Variants in C18orf54 observed in about 807,000 individuals in gnomAD.
The protein encoded by C18orf54 is chromosome 18 open reading frame 54, also known as lung adenoma susceptibility protein 2.
Under a neutral mutation model 49.3 loss-of-function variants are expected in C18orf54, and 49 were observed. The observed-to-expected ratio is 0.99, with a 90% CI of 0.79 to 1.26. The LOEUF is 1.26. C18orf54 is among the 50% of genes most tolerant of loss of function. C18orf54 has a pLI of 0.00. For synonymous variants in C18orf54, 211 were observed against 216.6 expected (o/e 0.97, Z 0.23); for missense variants, 687 against 620.6 (o/e 1.11, Z -1.14).
At chr18:54,376,713 G>A (rs2089577817) in intron 8 of C18orf54, among the ~76,000 whole-genome samples, 1 of 152,188 alleles carries the variant, frequency 6.6e-6, no homozygotes, top group South Asian at 2.1e-4. Context: ...CAATGAAGGT[G>A]GGAATCTCAG....
At chr18:54,364,787 G>T (rs1012772601) in intron 5 of C18orf54, among the ~76,000 whole-genome samples, 5 of 152,004 alleles carry the variant, frequency 3.3e-5, no homozygotes, top group Admixed American at 6.6e-5. Flanking sequence ...AGGACTACCT[G>T]ATAGTATGAA....
intron 6 of C18orf54, among the ~76,000 whole-genome samples, chr18:54,371,454 G>A (rs2089485363): frequency 6.6e-6 from 1 of 152,086 alleles, no homozygotes; most frequent in African/African-American, 2.4e-5. Flanking sequence ...GTGAACATGG[G>A]TATACAAATA....
chr18:54,361,470 GA>G (rs1204583058), intron 3 of C18orf54, among the ~76,000 whole-genome samples, 172 bp from the exon 4 acceptor site: 3 of 152,020 alleles, frequency 2.0e-5, no homozygotes, highest in Admixed American at 2.0e-4. Flanking sequence ...AGAATCGTGA[GA>G]AAAAAAGCAC....
At chr18:54,366,122 T>C (rs2089378686) in intron 6 of C18orf54, among the ~76,000 whole-genome samples, 1 of 151,904 alleles carries the variant, frequency 6.6e-6, no homozygotes, top group Admixed American at 6.6e-5. Context: ...ATCATTTCTT[T>C]GTGTTGGGAA....
At chr18:54,371,201 G>A (rs902499033) in intron 6 of C18orf54, among the ~76,000 whole-genome samples, 4 of 83,792 alleles carry the variant, frequency 4.8e-5, no homozygotes, top group African/African-American at 2.6e-4. Context: ...TGTCCCTATG[G>A]ACTTGTTACT....
Position 54,362,079 on chromosome 18 carries a change from G to C in C18orf54, c.720G>C (p.Trp240Cys). ...GTCTTGAAAAGAATTACCCAAGATG[G>C]CTCACTAGCCAGAAATCTGACCTTA... ...EHSLEKNYPR[W>C]LTSQKSDLNV... The change falls in exon 4 of 9, where the codon TGG becomes TGC. Residue 240 changes from tryptophan (W) to cysteine (C), a missense_variant. By Grantham distance (215) the Trp-to-Cys change is radical. Coordinates refer to ENST00000620105, the MANE Select transcript of C18orf54 (RefSeq NM_001288980.2). 3 of 1,544,184 alleles carry C rather than the reference G, an allele frequency of 1.9e-6. No homozygotes were observed. The highest frequency in any genetic ancestry group is 2.6e-6 in the Non-Finnish European group (3 of 1,148,334).
Position 54,378,417 on chromosome 18 carries a change from C to T in C18orf54, c.*171C>T. 1.9e-6 allele frequency: 1 copy of T among 516,376 alleles called. No homozygotes were observed. Among genetic ancestry groups the T allele is most frequent in the South Asian group, 3.3e-5 (1 of 30,332 alleles). 32.0% of individuals were successfully genotyped at this position (516,376 alleles called of 1,614,324 possible). A position where few individuals can be genotyped will look rare whatever the true frequency, so the allele number is the denominator to read the frequency against. The stretch of plus-strand genomic sequence containing the variant: ...TTGAAAATACCCATAGGTTTTGGGA[C>T]CTATCTTTATTTTGTGCCAACATAC... On this transcript the variant is annotated 3_prime_UTR_variant, in exon 9 of 9. Transcript: ENST00000620105.
intron 8 of C18orf54, among the ~76,000 whole-genome samples, chr18:54,375,341 G>A (rs111918276): frequency 1.3e-3 from 193 of 151,566 alleles, no homozygotes; most frequent in African/African-American, 4.5e-3. Flanking sequence ...GCCATAGCTA[G>A]TAAAAGAAGC....
At position 54,365,781 on chromosome 18, in the gene C18orf54, C is replaced by A; in HGVS notation, c.1286C>A (p.Ala429Asp). Residue 429 changes from alanine to aspartate, a missense_variant, in exon 6 of 9, where the codon GCT becomes GAT. Physicochemically the swap from Ala to Asp is moderately radical, Grantham distance 126. Coordinates refer to ENST00000620105, the MANE Select transcript of C18orf54 (RefSeq NM_001288980.2). ...CAACAAACTTCAAGGGCAAAGAGTGCTAAAGGGGTTCTTGAAGACTTTCTA... is the reference window on the plus strand; with the variant it reads ...CAACAAACTTCAAGGGCAAAGAGTGATAAAGGGGTTCTTGAAGACTTTCTA... Reference protein sequence around the residue: ...SPQQTSRAKSAKGVLEDFLNN... With the variant: ...SPQQTSRAKSDKGVLEDFLNN... 2 of 1,593,146 alleles carry A rather than the reference C, an allele frequency of 1.3e-6. No homozygotes were observed. The highest frequency in any genetic ancestry group is 1.3e-5 in the African/African-American group (1 of 74,698).
chr18:54,360,780 A>G lies in C18orf54; in HGVS notation c.208A>G (p.Thr70Ala), dbSNP rs1403749039. The G allele has an allele frequency of 1.2e-6, 2 of 1,613,646 alleles. No individual in the cohort carries two copies. The highest frequency in any genetic ancestry group is 2.2e-5 in the East Asian group (1 of 44,872). ...AGGCCAAATATATCCTGGTGCAAGC[A>G]CTGGAAAAATTAACATTGATGAGGA... is the stretch of plus-strand genomic sequence containing the variant. ...DLGQIYPGAS[T>A]GKINIDEDFT... is the part of the protein sequence containing the mutation. The change falls in exon 3 of 9, where the codon ACT becomes GCT. Residue 70 changes from threonine (T) to alanine (A), a missense_variant. Transcript: ENST00000620105.
intron 7 of C18orf54, 76 bp downstream of exon 7, chr18:54,372,673 CTACT>C (rs1307720664): frequency 7.4e-7 from 1 of 1,348,730 alleles, no homozygotes; most frequent in African/African-American, 1.5e-5. Flanking sequence ...TTTAATAGAC[CTACT>C]TATAGTTTTA....
At chr18:54,371,326 T>C (rs1166934950) in intron 6 of C18orf54, among the ~76,000 whole-genome samples, 1 of 152,220 alleles carries the variant, frequency 6.6e-6, no homozygotes, top group Non-Finnish European at 1.5e-5. Context: ...AAATTTCCTT[T>C]TCTTTTTAGA....
Position 54,365,788 on chromosome 18 carries a change from G to T in C18orf54, c.1293G>T (p.Gly431=), listed in dbSNP as rs564715637. The T allele has an allele frequency of 6.3e-7, 1 of 1,586,846 alleles. No homozygotes were observed. Among genetic ancestry groups the T allele is most frequent in the Non-Finnish European group, 8.6e-7 (1 of 1,162,698 alleles). The change falls in exon 6 of 9, where the codon GGG becomes GGT. Residue 431 remains glycine, a synonymous_variant. Coordinates refer to ENST00000620105, the MANE Select transcript of C18orf54 (RefSeq NM_001288980.2). The part of the protein sequence containing the change: ...QQTSRAKSAK[G]VLEDFLNNDN... ...CTTCAAGGGCAAAGAGTGCTAAAGG[G>T]GTTCTTGAAGACTTTCTAAATAATG...
intron 6 of C18orf54, among the ~76,000 whole-genome samples, chr18:54,369,039 T>C (rs2089438567): frequency 6.6e-6 from 1 of 152,230 alleles, no homozygotes; most frequent in Non-Finnish European, 1.5e-5. Context: ...TATTGGAAAA[T>C]GGCACTTAGA....
rs913307888 is a variant in C18orf54 at position 54,362,306 on chromosome 18, C to T, written c.947C>T (p.Ser316Leu). The T allele has an allele frequency of 1.3e-6, 2 of 1,536,098 alleles. No homozygotes were observed. Among genetic ancestry groups the T allele is most frequent in the Non-Finnish European group, 1.7e-6 (2 of 1,146,892 alleles). Reference protein sequence around the residue: ...LDCFEYAFEPSNFSNSLSDDK... With the variant: ...LDCFEYAFEPLNFSNSLSDDK... Reference sequence around the variant, plus strand: ...TGTTTTGAATATGCTTTTGAACCCTCAAACTTTTCAAATTCCTTGAGTGAT... The same window carrying T: ...TGTTTTGAATATGCTTTTGAACCCTTAAACTTTTCAAATTCCTTGAGTGAT... Residue 316 changes from serine (S) to leucine (L), a missense_variant, in exon 4 of 9, where the codon TCA (serine) becomes TTA (leucine). Coordinates refer to ENST00000620105, the MANE Select transcript of C18orf54 (RefSeq NM_001288980.2).
At chr18:54,365,486 T>C (rs2089362988) in intron 5 of C18orf54, among the ~76,000 whole-genome samples, 1 of 151,958 alleles carries the variant, frequency 6.6e-6, no homozygotes, top group Non-Finnish European at 1.5e-5. Flanking sequence ...TTCTTCATAG[T>C]GTTTTCTTAA....
rs2089675193 is a variant in C18orf54 at position 54,381,661 on chromosome 18, T to TA, written c.*3416dup. ...TATTCTTTTATCTAACGCTTACTCT[T>TA]ACATTTCTTTAAAGCTCTGGCCAAG... On this transcript the variant is annotated 3_prime_UTR_variant, in exon 9 of 9. Coordinates refer to ENST00000620105, the MANE Select transcript of C18orf54 (RefSeq NM_001288980.2). The TA allele has an allele frequency of 6.6e-6, 1 of 152,220 alleles. No individual in the cohort carries two copies. The highest frequency in any genetic ancestry group is 2.4e-5 in the African/African-American group (1 of 41,458). The allele number at this position is 152,220 out of a possible 1,614,324, so 9.4% of individuals were successfully genotyped here.
intron 6 of C18orf54, among the ~76,000 whole-genome samples, chr18:54,369,466 C>CT (rs140753589): frequency 0.17 from 15,028 of 89,134 alleles, 1,679 homozygotes; most frequent in East Asian, 0.25. Context: ...TTGTATATTG[C>CT]TTTTTTTTTT....
At chr18:54,362,685 C>T (rs947558233) in intron 4 of C18orf54, 86 bp from the exon 5 acceptor site, 11 of 1,207,880 alleles carry the variant, frequency 9.1e-6, no homozygotes, top group Admixed American at 2.8e-5. Context: ...TCCAAATGAT[C>T]AGAACTCTTG....
Sources: allele counts gnomAD v4.1 joint callset (sites outside exome capture counted in the v4.1 genomes callset), GRCh38; gene constraint gnomAD v4.1.1; transcripts MANE v1.5; gene names NCBI Gene and HGNC (gene_info 2026-07-23, HGNC 2026-07-21).